Variants in COX11 observed in about 807,000 individuals in gnomAD.
The protein encoded by COX11 is cytochrome c oxidase copper chaperone COX11.
In COX11, 18 loss-of-function variants were observed where a neutral mutation model predicts 29.4. The observed-to-expected ratio is 0.61, with a 90% CI of 0.42 to 0.91. COX11 has a LOEUF of 0.91. COX11 is among the 40% of genes least tolerant of loss of function. The pLI is 0.00. For synonymous variants in COX11, 131 were observed against 124.0 expected, an observed-to-expected ratio of 1.06 and a Z score of -0.38; for missense variants, 312 against 346.0, an observed-to-expected ratio of 0.90 and a Z score of 0.78.
At chr17:54,966,742 G>A (rs2077222415) in intron 1 of COX11, among the ~76,000 whole-genome samples, 1 of 152,182 alleles carries the variant, frequency 6.6e-6, no homozygotes. Flanking sequence ...CTTGGGCTTG[G>A]TCTCTGATGA....
rs2077323329 is a variant in COX11 at position 54,968,633 on chromosome 17, C to T, written c.14G>A (p.Trp5Ter). 2.5e-6 allele frequency: 4 copies of T among 1,612,338 alleles called. No individual in the cohort carries two copies. In the South Asian group the frequency reaches 3.3e-5, roughly 13 times the overall value. MGGL[W>*]RPGWRCVPFC... is the part of the protein sequence containing the mutation. ...AGGAACGCACCTCCATCCAGGACGC[C>T]AGAGCCCTCCCATAACCCTCTGAAC... is the stretch of plus-strand genomic sequence containing the variant. The change falls in exon 1 of 4, where the codon TGG becomes TAG. Residue 5 changes from tryptophan to a stop codon, truncating the protein, a stop_gained. Coordinates refer to ENST00000299335, the MANE Select transcript of COX11 (RefSeq NM_004375.5). LOFTEE classifies it high-confidence loss of function.
At chr17:54,967,038 GCGCGCACA>G (rs1567858860) in intron 1 of COX11, among the ~76,000 whole-genome samples, 52 of 100,214 alleles carry the variant, frequency 5.2e-4, no homozygotes, top group African/African-American at 1.8e-3. Context: ...ACGTGCGCGC[GCGCGCACA>G]CACACACACA....
At chr17:54,959,877 A>T (rs1186017464), downstream of COX11, among the ~76,000 whole-genome samples, 1 of 152,100 alleles carries the variant, frequency 6.6e-6, no homozygotes, top group Non-Finnish European at 1.5e-5. Flanking sequence ...TCAGCCTCCC[A>T]GAGTGCTGGG....
chr17:54,961,419 A>G lies in COX11; in HGVS notation c.*1314T>C. ...CAGGATAACACTGATTCCTGACAAC[A>G]GCGTGAGATTTCAACAGAACTTGTT... On this transcript the variant is annotated 3_prime_UTR_variant, in exon 4 of 4. Coordinates refer to ENST00000299335, the MANE Select transcript of COX11 (RefSeq NM_004375.5). 2 of 1,523,984 alleles carry G rather than the reference A, an allele frequency of 1.3e-6. No individual in the cohort carries two copies. 94.4% of individuals were successfully genotyped at this position (1,523,984 alleles called of 1,614,324 possible).
At chr17:54,955,161 C>T (rs992775275), upstream of COX11, 1 of 152,200 alleles carries the variant, frequency 6.6e-6, no homozygotes, top group African/African-American at 2.4e-5. Flanking sequence ...ACTTCTGGTC[C>T]TCTTTGCTGG....
chr17:54,954,810 G>C (rs1389146980), exon 1 of COX11: 1 of 152,186 alleles, frequency 6.6e-6, no homozygotes, highest in Non-Finnish European at 1.5e-5. Flanking sequence ...CTGCAAGGCA[G>C]GGTTTTGATA....
intron 1 of COX11, among the ~76,000 whole-genome samples, chr17:54,965,577 C>G (rs1193562011): frequency 6.6e-6 from 1 of 152,094 alleles, no homozygotes; most frequent in African/African-American, 2.4e-5. Context: ...AAGCCCTTAC[C>G]CAGCACTTTG....
Position 54,961,031 on chromosome 17 carries a change from T to C in COX11, c.*1702A>G, listed in dbSNP as rs1486751372. 1 of 586,556 alleles carries C rather than the reference T, an allele frequency of 1.7e-6. No homozygotes were observed. Among genetic ancestry groups the C allele is most frequent in the Non-Finnish European group, 3.0e-6 (1 of 332,528 alleles). The allele number at this position is 586,556 out of a possible 1,614,324, so 36.3% of individuals were successfully genotyped here. On this transcript the variant is annotated 3_prime_UTR_variant, in exon 4 of 4. Coordinates refer to ENST00000299335, the MANE Select transcript of COX11 (RefSeq NM_004375.5). ...CCTATTTTCAGCACTACTAATCCCA[T>C]GTATTTACTATTTAATGGTCACCAA...
At chr17:54,964,511 C>T in intron 2 of COX11, 186 bp downstream of exon 2, 2 of 609,442 alleles carry the variant, frequency 3.3e-6, no homozygotes, top group Non-Finnish European at 5.6e-6. Context: ...TGCTTTACAC[C>T]TAATGTAACA....
At chr17:54,956,735 A>G (rs1427136740), downstream of COX11, 1 of 152,214 alleles carries the variant, frequency 6.6e-6, no homozygotes, top group African/African-American at 2.4e-5. Flanking sequence ...ATGAGCCACT[A>G]TAACCAACCA....
chr17:54,964,111 C>T (rs757132446), intron 2 of COX11, among the ~76,000 whole-genome samples: 5 of 152,132 alleles, frequency 3.3e-5, no homozygotes, highest in Non-Finnish European at 7.4e-5. Flanking sequence ...TTGAAATTAA[C>T]TCACTCTGGC....
chr17:54,966,516 T>C (rs564006960), intron 1 of COX11, among the ~76,000 whole-genome samples: 5 of 152,322 alleles, frequency 3.3e-5, no homozygotes, highest in East Asian at 1.9e-4. Context: ...CAGTGCTTTG[T>C]TGGTTATTTA....
chr17:54,962,466 TA>T lies in COX11; in HGVS notation c.*266del, dbSNP rs1313981716. The stretch of plus-strand genomic sequence containing the variant: ...TAAGCTGAACCCATGCCTGCATATT[TA>T]AAAAACAAAGCGGCTTATTTTAATA... On this transcript the variant is annotated 3_prime_UTR_variant, in exon 4 of 4. Transcript: ENST00000299335. 1 of 1,068,300 alleles carries T rather than the reference TA, an allele frequency of 9.4e-7. No individual in the cohort carries two copies. The highest frequency in any genetic ancestry group is 7.2e-5 in the East Asian group (1 of 13,872). 66.2% of individuals were successfully genotyped at this position (1,068,300 alleles called of 1,614,324 possible).
chr17:54,958,934 G>T (rs1198898349), downstream of COX11, among the ~76,000 whole-genome samples: 1 of 152,154 alleles, frequency 6.6e-6, no homozygotes, highest in Non-Finnish European at 1.5e-5. Context: ...AATGGGTCAA[G>T]TGCTTCAGAA....
intron 1 of COX11, among the ~76,000 whole-genome samples, chr17:54,965,847 C>T (rs1446745000): frequency 6.9e-6 from 1 of 144,220 alleles, no homozygotes; most frequent in African/African-American, 2.6e-5. Context: ...AAAAAAAAAA[C>T]GCCCTTACTT....
upstream of COX11, chr17:54,968,773 G>T: frequency 8.7e-7 from 1 of 1,148,118 alleles, no homozygotes; most frequent in Admixed American, 2.3e-5. Flanking sequence ...TCAGGTGGCA[G>T]CGCTTGCAGT....
Position 54,962,380 on chromosome 17 carries a change from C to T in COX11, c.*353G>A, listed in dbSNP as rs979629179. The T allele has an allele frequency of 7.1e-5, 71 of 993,860 alleles. No homozygotes were observed. The African/African-American group carries it at 1.2e-3, about 16-fold the overall frequency. 61.6% of individuals were successfully genotyped at this position (993,860 alleles called of 1,614,324 possible). Reference sequence around the variant, plus strand: ...ACCCTGAGCATACATTTTTGAAAAACATTGTCAGATTCATTGCTGTAAGTA... The same window carrying T: ...ACCCTGAGCATACATTTTTGAAAAATATTGTCAGATTCATTGCTGTAAGTA... On this transcript the variant is annotated 3_prime_UTR_variant, in exon 4 of 4. Coordinates refer to ENST00000299335, the MANE Select transcript of COX11 (RefSeq NM_004375.5).
At chr17:54,967,042 G>GCGCGCA (rs1310473186) in intron 1 of COX11, among the ~76,000 whole-genome samples, 2,828 of 95,982 alleles carry the variant, frequency 0.029, 62 homozygotes, top group East Asian at 0.11. Context: ...GCGCGCGCGC[G>GCGCGCA]CACACACACA....
Position 54,963,338 on chromosome 17 carries a change from A to G in COX11, c.616T>C (p.Phe206Leu), listed in dbSNP as rs1567855499. The change falls in exon 3 of 4, where the codon TTT becomes CTT. Residue 206 changes from phenylalanine to leucine, a missense_variant. Physicochemically the swap from Phe to Leu is conservative, Grantham distance 22 (BLOSUM62 0). Around this residue, in one of 2 missense-constraint regions of COX11, gnomAD observed 182 missense variants for 240.0 expected, o/e 0.76. Transcript: ENST00000299335. ...IGISTYNIVP[F>L]EAGQYFNKIQ... The stretch of plus-strand genomic sequence containing the variant: ...TTATTGAAATACTGTCCAGCTTCAA[A>G]TGGAACAATATTGTATGTAGAAATT... The G allele has an allele frequency of 6.2e-7, 1 of 1,611,968 alleles. No individual in the cohort carries two copies. The highest frequency in any genetic ancestry group is 2.2e-5 in the East Asian group (1 of 44,778).
Sources: allele counts gnomAD v4.1 joint callset (sites outside exome capture counted in the v4.1 genomes callset), GRCh38; gene constraint gnomAD v4.1.1; regional missense constraint gnomAD v4.1.1; transcripts MANE v1.5; gene names NCBI Gene and HGNC (gene_info 2026-07-23, HGNC 2026-07-21).